The following MAP7D2 variants were observed in gnomAD, a reference collection of about 807,000 sequenced individuals.
The protein encoded by MAP7D2 is MAP7 domain containing 2.
A neutral mutation model predicts 63.5 loss-of-function variants in MAP7D2; 33 were observed. The ratio of observed to expected loss-of-function variants is 0.52; its 90% CI spans 0.39 to 0.70. The LOEUF (loss-of-function observed/expected upper bound fraction) is 0.70, where lower values mean the gene tolerates loss of function less well. Among genes scored for constraint, MAP7D2 ranks in the 30% least tolerant of loss-of-function variants. MAP7D2 has a pLI of 0.00. For missense variants in MAP7D2, 626 were observed against 604.0 expected (o/e 1.04, Z -0.38); for synonymous variants, 224 against 223.7 (o/e 1.00, Z -0.01).
chrX:20,044,007 C>T (rs764821740), intron 7 of MAP7D2, among the ~76,000 whole-genome samples: 4 of 111,675 alleles, frequency 3.6e-5, no homozygotes, highest in Admixed American at 1.9e-4. Context: ...TAAAAGTTGA[C>T]GTAGATCCTC....
intron 1 of MAP7D2, among the ~76,000 whole-genome samples, chrX:20,100,206 T>C (rs2066391748): frequency 8.9e-6 from 1 of 112,324 alleles, no homozygotes; most frequent in African/African-American, 3.2e-5. Context: ...CATAATATAA[T>C]GCTTATAAGT....
At position 20,099,004 on chromosome X, in the gene MAP7D2, G is replaced by C. The variant is rs1284181461; in HGVS notation, c.130+17746C>G. Among the ~76,000 whole-genome samples the C allele has an allele frequency of 2.7e-5, 3 of 112,903 alleles. No homozygotes were observed. The East Asian group carries it at 8.3e-4, about 31-fold the overall frequency. The stretch of plus-strand genomic sequence containing the variant: ...ACTCTGGCACAGCCAGCTTGTTTCA[G>C]ATCAGCCTGTGAACCACACATGTAC... On this transcript the variant is annotated intron_variant, in intron 1 of 16. Coordinates refer to ENST00000379643, the MANE Select transcript of MAP7D2 (RefSeq NM_001168465.2).
intron 1 of MAP7D2, among the ~76,000 whole-genome samples, chrX:20,080,866 A>G (rs193302250): frequency 2.7e-5 from 3 of 112,283 alleles, no homozygotes; most frequent in African/African-American, 9.7e-5. Flanking sequence ...GTCAGGCATC[A>G]TTATTCCTCA....
rs184489574 is a variant in MAP7D2 at position 20,107,652 on chromosome X, T to C, written c.130+9098A>G. On this transcript the variant is annotated intron_variant, in intron 1 of 16. Coordinates refer to ENST00000379643, the MANE Select transcript of MAP7D2 (RefSeq NM_001168465.2). ...ATACTTGACTAAGTAAGTTGTATTA[T>C]ATTAATTTCACCGTTTCTTTTTCTT... Among the ~76,000 whole-genome samples, 3 of 111,447 alleles carry C rather than the reference T, an allele frequency of 2.7e-5. No homozygotes were observed. In the East Asian group the frequency reaches 8.4e-4, roughly 31 times the overall value.
At chrX:20,040,618 T>C (rs1045070921) in intron 8 of MAP7D2, among the ~76,000 whole-genome samples, 8 of 111,102 alleles carry the variant, frequency 7.2e-5, no homozygotes, top group Non-Finnish European at 1.3e-4. Flanking sequence ...AATATTACTC[T>C]GTCTCAGGGT....
chrX:20,050,025 C>G (rs985091023), intron 6 of MAP7D2, among the ~76,000 whole-genome samples: 3 of 112,281 alleles, frequency 2.7e-5, no homozygotes, highest in African/African-American at 9.7e-5. Flanking sequence ...TACAACTAGG[C>G]AGAAGTTTTA....
At chrX:20,111,227 C>G (rs966179629) in intron 1 of MAP7D2, among the ~76,000 whole-genome samples, 6 of 111,643 alleles carry the variant, frequency 5.4e-5, no homozygotes, top group African/African-American at 2.0e-4. Flanking sequence ...TAAGCCCAGG[C>G]AACCCCCAGA....
intron 1 of MAP7D2, among the ~76,000 whole-genome samples, chrX:20,111,265 A>G (rs190381881): frequency 2.2e-4 from 25 of 111,800 alleles, no homozygotes; most frequent in Middle Eastern, 9.3e-3. Flanking sequence ...ATAAGTGCTC[A>G]ACAATTAGCG....
chrX:20,038,209 A>T (rs2064550180), intron 8 of MAP7D2, among the ~76,000 whole-genome samples: 1 of 111,900 alleles, frequency 8.9e-6, no homozygotes. Flanking sequence ...CTTACTCTGG[A>T]TATAGGTTTG....
At chrX:20,025,608 T>G in intron 9 of MAP7D2, 73 bp downstream of exon 9, 83 of 1,138,985 alleles carry the variant, frequency 7.3e-5, no homozygotes, top group Middle Eastern at 3.0e-4. Context: ...CCCCAAAACA[T>G]GAGAGAATGG....
At chrX:20,072,699 C>T (rs977631825) in intron 1 of MAP7D2, among the ~76,000 whole-genome samples, 2 of 111,939 alleles carry the variant, frequency 1.8e-5, no homozygotes, top group Non-Finnish European at 3.8e-5. Context: ...CTCTCACAGA[C>T]ACACACAAAA....
chrX:20,102,508 T>C (rs1167045714), intron 1 of MAP7D2, among the ~76,000 whole-genome samples: 2 of 111,107 alleles, frequency 1.8e-5, no homozygotes, highest in Non-Finnish European at 3.8e-5. Context: ...TGGAGCCCCA[T>C]TCCAACATGC....
intron 1 of MAP7D2, among the ~76,000 whole-genome samples, chrX:20,080,102 T>A (rs187093308): frequency 2.7e-5 from 3 of 111,513 alleles, no homozygotes; most frequent in Admixed American, 9.6e-5. Context: ...GCTTCCTGTG[T>A]TTCTACAATT....
intron 5 of MAP7D2, among the ~76,000 whole-genome samples, chrX:20,051,641 T>C (rs73631378): frequency 6.7e-4 from 75 of 112,117 alleles, no homozygotes; most frequent in African/African-American, 2.3e-3. Context: ...ACACTTGTTT[T>C]AGGTCCTGCG....
At chrX:20,051,588 A>G (rs753142010) in intron 5 of MAP7D2, among the ~76,000 whole-genome samples, 1 of 111,096 alleles carries the variant, frequency 9.0e-6, no homozygotes, top group Non-Finnish European at 1.9e-5. Context: ...AACAACAACA[A>G]AAAAACCTTT....
chrX:20,046,732 A>G (rs908655546), intron 6 of MAP7D2, among the ~76,000 whole-genome samples: 2 of 112,736 alleles, frequency 1.8e-5, no homozygotes, highest in African/African-American at 6.4e-5. Flanking sequence ...TGAACACAAT[A>G]TATCTTTCTG....
intron 3 of MAP7D2, among the ~76,000 whole-genome samples, chrX:20,060,276 C>T (rs1479003700): frequency 1.8e-5 from 2 of 109,995 alleles, no homozygotes; most frequent in Non-Finnish European, 3.8e-5. Context: ...TGCCTTGGCT[C>T]CCCAAAGTGC....
intron 8 of MAP7D2, among the ~76,000 whole-genome samples, chrX:20,036,747 T>C (rs1364107556): frequency 9.8e-6 from 1 of 102,147 alleles, no homozygotes; most frequent in Non-Finnish European, 2.0e-5. Flanking sequence ...CTACGAAACA[T>C]ACAAAAATTA....
chrX:20,101,094 T>A (rs2066424974), intron 1 of MAP7D2, among the ~76,000 whole-genome samples: 1 of 110,759 alleles, frequency 9.0e-6, no homozygotes, highest in East Asian at 2.8e-4. Flanking sequence ...CCTTAGCACA[T>A]CCTGAAAGGC....
Sources: allele counts gnomAD v4.1 joint callset (sites outside exome capture counted in the v4.1 genomes callset), GRCh38; gene constraint gnomAD v4.1.1; transcripts MANE v1.5; gene names NCBI Gene and HGNC (gene_info 2026-07-23, HGNC 2026-07-21).